ATG7: variants seen among roughly 807,000 people sequenced by gnomAD.
The protein encoded by ATG7 is ubiquitin-like modifier-activating enzyme ATG7.
Under a neutral mutation model 82.4 loss-of-function variants are expected in ATG7, and 70 were observed. That is an observed-to-expected ratio of 0.85 (90% CI 0.70 to 1.04). The LOEUF (loss-of-function observed/expected upper bound fraction) is 1.04. ATG7 is among the 50% of genes least tolerant of loss of function. The pLI, the probability that ATG7 is intolerant of heterozygous loss-of-function variation, is 0.00. For missense variants in ATG7, 792 were observed against 864.3 expected (o/e 0.92, Z 1.05); for synonymous variants, 287 against 313.0 (o/e 0.92, Z 0.88).
intron 19 of ATG7, among the ~76,000 whole-genome samples, chr3:11,418,423 C>A (rs955671454): frequency 2.6e-5 from 4 of 152,222 alleles, no homozygotes; most frequent in African/African-American, 4.8e-5. Flanking sequence ...CAACATATTT[C>A]AATATGGCTT....
At chr3:11,567,953 G>A in the ATG7 span, among the ~76,000 whole-genome samples, 1 of 152,236 alleles carries the variant, frequency 6.6e-6, no homozygotes, top group African/African-American at 2.4e-5. Flanking sequence ...GAGAGCCTCA[G>A]ACACAGTCTG....
rs145394796 is a variant in ATG7, at chr3:11,378,920, G to A, written c.1876-1052G>A. Among the ~76,000 whole-genome samples the A allele has an allele frequency of 8.5e-5, 13 of 152,176 alleles. No individual in the cohort carries two copies. In the East Asian group the frequency reaches 2.3e-3, roughly 27 times the overall value. On this transcript the variant is annotated intron_variant, in intron 18 of 20. Coordinates refer to ENST00000693202, the MANE Select transcript of ATG7 (RefSeq NM_001349232.2). ...GTGTTAATAGGATGGCTAAACGGTG[G>A]TGGATCGGGTCTTCTGTTCTGTTCA...
chr3:11,293,590 G>A (rs921407504), intron 3 of ATG7, among the ~76,000 whole-genome samples: 3 of 151,256 alleles, frequency 2.0e-5, no homozygotes, highest in Non-Finnish European at 4.4e-5. Context: ...GCTCACATCT[G>A]TAATCCCAGC....
chr3:11,388,914 C>G (rs2078542832), intron 19 of ATG7, among the ~76,000 whole-genome samples: 1 of 151,956 alleles, frequency 6.6e-6, no homozygotes, highest in African/African-American at 2.4e-5. Context: ...CACACACAGG[C>G]TTTATACAAT....
intron 19 of ATG7, 103 bp from the exon 20 acceptor site, chr3:11,426,701 C>T: frequency 8.5e-7 from 1 of 1,180,936 alleles, no homozygotes; most frequent in Admixed American, 3.3e-5. Flanking sequence ...GTTTAATTCT[C>T]ATTTTAATTT....
rs1209302624 is a variant in ATG7, at chr3:11,279,614, G to T, written c.-365-1380G>T. Among the ~76,000 whole-genome samples the T allele has an allele frequency of 2.0e-5, 3 of 152,148 alleles. No individual in the cohort carries two copies. The East Asian group carries it at 5.8e-4, about 29-fold the overall frequency. On this transcript the variant is annotated intron_variant, in intron 1 of 20. Coordinates refer to ENST00000693202, the MANE Select transcript of ATG7 (RefSeq NM_001349232.2). Reference sequence around the variant, plus strand: ...CAGGAGAATCGCTTGAACCCGGGAGGCAGAGGTTGCAGTGAAGCCGAAATT... The same window carrying T: ...CAGGAGAATCGCTTGAACCCGGGAGTCAGAGGTTGCAGTGAAGCCGAAATT...
At chr3:11,519,249 T>A (rs2092367600) in intron 20 of ATG7, among the ~76,000 whole-genome samples, 1 of 152,202 alleles carries the variant, frequency 6.6e-6, no homozygotes, top group African/African-American at 2.4e-5. Context: ...TAAGAAAAAC[T>A]AACCATTATA....
intron 5 of ATG7, among the ~76,000 whole-genome samples, chr3:11,299,928 C>CG (rs1946518444): frequency 6.9e-6 from 1 of 144,494 alleles, no homozygotes; most frequent in African/African-American, 2.5e-5. Flanking sequence ...AAGAGACACA[C>CG]TTTTTTTTTT....
intron 4 of ATG7, chr3:11,299,139 A>C (rs1946396125): frequency 1.7e-6 from 1 of 601,962 alleles, no homozygotes. Flanking sequence ...TTTTCCATTG[A>C]ATCTTTTTTA....
At chr3:11,404,261 G>A (rs946557360) in intron 19 of ATG7, among the ~76,000 whole-genome samples, 4 of 149,442 alleles carry the variant, frequency 2.7e-5, no homozygotes, top group African/African-American at 9.9e-5. Context: ...TCAGCCTCCC[G>A]AGTAGCTGGG....
Position 11,325,409 on chromosome 3 carries a change from C to G in ATG7, c.679-5931C>G, listed in dbSNP as rs562219287. Among the ~76,000 whole-genome samples, 110 of 152,276 alleles carry G rather than the reference C, an allele frequency of 7.2e-4. 1 individual carries two copies. Among genetic ancestry groups the G allele is most frequent in the Non-Finnish European group, 1.2e-3 (81 of 68,028 alleles). ...CCTATAGGCCAGGCGTGGTGGCTCA[C>G]GCCTGTAATCACAGCACTTTGGGAG... On this transcript the variant is annotated intron_variant, in intron 9 of 20. Transcript: ENST00000693202.
chr3:11,524,236 G>A (rs979105823), intron 20 of ATG7, among the ~76,000 whole-genome samples: 1 of 152,132 alleles, frequency 6.6e-6, no homozygotes, highest in African/African-American at 2.4e-5. Flanking sequence ...AGCTGAAGTT[G>A]AAACACAGAC....
chr3:11,321,212 T>G (rs1239512630), intron 9 of ATG7, among the ~76,000 whole-genome samples: 1 of 152,198 alleles, frequency 6.6e-6, no homozygotes, highest in African/African-American at 2.4e-5. Flanking sequence ...AGACAGGAGT[T>G]AGCCTGCCTA....
intron 20 of ATG7, among the ~76,000 whole-genome samples, chr3:11,513,519 GC>G (rs1332984120): frequency 6.6e-6 from 1 of 152,222 alleles, no homozygotes; most frequent in Admixed American, 6.5e-5. Context: ...GGCTGGCAGG[GC>G]CAGCCGGCCG....
intron 5 of ATG7, among the ~76,000 whole-genome samples, chr3:11,306,617 CTG>C (rs756419141): frequency 6.6e-5 from 10 of 152,242 alleles, no homozygotes; most frequent in Non-Finnish European, 1.3e-4. Flanking sequence ...AGAATTCAAA[CTG>C]TGCACAGCTC....
At chr3:11,553,090 G>A (rs994199995) in intron 20 of ATG7, among the ~76,000 whole-genome samples, 1 of 152,028 alleles carries the variant, frequency 6.6e-6, no homozygotes, top group East Asian at 1.9e-4. Flanking sequence ...CGGAGGACAC[G>A]GCCCACAATG....
chr3:11,333,238 T>G, intron 11 of ATG7, 145 bp downstream of exon 11: 3 of 1,117,976 alleles, frequency 2.7e-6, no homozygotes, highest in Non-Finnish European at 3.5e-6. Flanking sequence ...AGACACCTAC[T>G]TCGAACAGAG....
intron 20 of ATG7, 54 bp from the exon 21 acceptor site, chr3:11,554,757 C>A: frequency 6.3e-7 from 1 of 1,598,504 alleles, no homozygotes; most frequent in Non-Finnish European, 8.5e-7. Flanking sequence ...CATCTGTGTG[C>A]CCCCCACCGG....
chr3:11,406,966 A>G (rs113817405), intron 19 of ATG7, among the ~76,000 whole-genome samples: 4,197 of 152,262 alleles, frequency 0.028, 185 homozygotes, highest in African/African-American at 0.095. Flanking sequence ...GTATCTTCAC[A>G]TTTCAAAACC....
Sources: allele counts gnomAD v4.1 joint callset (sites outside exome capture counted in the v4.1 genomes callset), GRCh38; gene constraint gnomAD v4.1.1; transcripts MANE v1.5; gene names NCBI Gene and HGNC (gene_info 2026-07-23, HGNC 2026-07-21).